Variants in CNTN3 observed in about 807,000 individuals in gnomAD.
The protein encoded by CNTN3 is contactin-3.
Under a neutral mutation model 119.1 loss-of-function variants are expected in CNTN3, and 60 were observed. The ratio of observed to expected loss-of-function variants is 0.50; its 90% CI spans 0.41 to 0.62. The LOEUF (loss-of-function observed/expected upper bound fraction) is 0.62. Ranked by LOEUF, CNTN3 falls within the 20% of genes least tolerant of loss-of-function variation. The pLI is 0.00. For synonymous variants in CNTN3, 450 were observed against 438.7 expected (o/e 1.03, Z -0.32); for missense variants, 1,101 against 1,242.4 (o/e 0.89, Z 1.71).
intron 17 of CNTN3, 140 bp from the exon 18 acceptor site, chr3:74,298,331 G>A: frequency 2.1e-6 from 1 of 484,826 alleles, no homozygotes; most frequent in Non-Finnish European, 3.6e-6. Context: ...ATGAAAAAAG[G>A]AGAAAAACAT....
chr3:74,344,729 G>A (rs1703649246), intron 11 of CNTN3, among the ~76,000 whole-genome samples: 1 of 152,134 alleles, frequency 6.6e-6, no homozygotes, highest in Non-Finnish European at 1.5e-5. Context: ...AAAGTGCTGG[G>A]ATTACAGGCG....
chr3:74,587,237 T>C (rs770677620), intron 1 of CNTN3, among the ~76,000 whole-genome samples: 4 of 152,014 alleles, frequency 2.6e-5, no homozygotes, highest in African/African-American at 7.2e-5. Flanking sequence ...GAGTTCAACA[T>C]CAGGGCTTAT....
chr3:74,274,414 A>C (rs2106758188), intron 20 of CNTN3, among the ~76,000 whole-genome samples: 1 of 152,106 alleles, frequency 6.6e-6, no homozygotes, highest in South Asian at 2.1e-4. Flanking sequence ...CAGCCCCGCC[A>C]CCTCCACTGG....
At chr3:74,313,452 A>G (rs929744458) in intron 13 of CNTN3, among the ~76,000 whole-genome samples, 1 of 152,226 alleles carries the variant, frequency 6.6e-6, no homozygotes, top group Admixed American at 6.5e-5. Flanking sequence ...TTAAAAAAAA[A>G]ATTTTGTAAA....
chr3:74,372,342 A>C (rs1049215239), intron 5 of CNTN3, among the ~76,000 whole-genome samples: 1 of 152,056 alleles, frequency 6.6e-6, no homozygotes, highest in African/African-American at 2.4e-5. Context: ...AGTTTTCTTG[A>C]ACTTTATGGC....
At chr3:74,431,350 A>C (rs1701780319) in intron 4 of CNTN3, among the ~76,000 whole-genome samples, 1 of 152,136 alleles carries the variant, frequency 6.6e-6, no homozygotes, top group East Asian at 1.9e-4. Context: ...CTAGGTAGTG[A>C]ACTATCAAGC....
At chr3:74,597,890 T>C (rs1337641255) in intron 1 of CNTN3, among the ~76,000 whole-genome samples, 1 of 152,088 alleles carries the variant, frequency 6.6e-6, no homozygotes, top group Admixed American at 6.6e-5. Context: ...CAAGTCATGT[T>C]CACTTTCAGT....
intron 11 of CNTN3, among the ~76,000 whole-genome samples, chr3:74,345,423 G>C (rs1416218652): frequency 4.6e-5 from 7 of 152,242 alleles, no homozygotes; most frequent in Non-Finnish European, 8.8e-5. Flanking sequence ...TTTTGATTCT[G>C]AGCATAACCT....
chr3:74,602,295 C>CAAAA (rs1167052275), intron 1 of CNTN3, among the ~76,000 whole-genome samples: 1 of 19,676 alleles, frequency 5.1e-5, no homozygotes, highest in East Asian at 1.4e-3. Flanking sequence ...GACCTGGTCT[C>CAAAA]AAAAAAAAAA....
intron 1 of CNTN3, among the ~76,000 whole-genome samples, chr3:74,566,859 T>G (rs373495085): frequency 2.0e-5 from 3 of 152,304 alleles, no homozygotes; most frequent in East Asian, 3.9e-4. Context: ...CATACAGGAA[T>G]GCAGACAAGT....
chr3:74,502,779 C>T (rs1575788774), intron 2 of CNTN3, among the ~76,000 whole-genome samples: 1 of 152,254 alleles, frequency 6.6e-6, no homozygotes, highest in East Asian at 1.9e-4. Context: ...TCTCCCTCAT[C>T]CAAAGTCATT....
chr3:74,494,137 T>C lies in CNTN3; in HGVS notation c.182+5522A>G, dbSNP rs189900217. 1.3e-3 allele frequency among the ~76,000 whole-genome samples: 198 copies of C among 152,208 alleles called. 1 individual carries two copies. Among genetic ancestry groups the C allele is most frequent in the African/African-American group, 4.2e-3 (175 of 41,550 alleles). On this transcript the variant is annotated intron_variant, in intron 3 of 22. Coordinates refer to ENST00000263665, the MANE Select transcript of CNTN3 (RefSeq NM_020872.3). The stretch of plus-strand genomic sequence containing the variant: ...CCTGGTAGCAGCTCCTCTATTCTCC[T>C]TTAAAGCAGCCCTCCTCATACGAAC...
intron 11 of CNTN3, among the ~76,000 whole-genome samples, chr3:74,360,131 T>C (rs938267631): frequency 3.9e-5 from 6 of 152,230 alleles, no homozygotes; most frequent in Non-Finnish European, 1.5e-5. Context: ...GATTGTGCTG[T>C]TGTAACCAAC....
rs544235781 is a variant in CNTN3, at chr3:74,297,858, A to C, written c.2401+99T>G. The C allele has an allele frequency of 3.1e-5, 26 of 846,734 alleles. No individual in the cohort carries two copies. In the East Asian group the frequency reaches 6.6e-4, roughly 22 times the overall value. The allele number at this position is 846,734 out of a possible 1,614,324, so 52.5% of individuals were successfully genotyped here. A position where few individuals can be genotyped will look rare whatever the true frequency, so the allele number is the denominator to read the frequency against. On this transcript the variant is annotated intron_variant, in intron 18 of 22. Transcript: ENST00000263665. ...TACTACCTGGATGATTGTTCTTTGG[A>C]ATAAATATATTTGAAGTCAAAACGA...
At chr3:74,297,851 T>C (rs1702372696) in intron 18 of CNTN3, 106 bp downstream of exon 18, 2 of 795,322 alleles carry the variant, frequency 2.5e-6, no homozygotes, top group African/African-American at 3.5e-5. Context: ...GGATGATTGT[T>C]CTTTGGAATA....
chr3:74,468,025 A>G (rs1037385826), intron 4 of CNTN3, among the ~76,000 whole-genome samples: 3 of 152,218 alleles, frequency 2.0e-5, no homozygotes, highest in Non-Finnish European at 2.9e-5. Flanking sequence ...ATGCCAGTTA[A>G]TCAAAGGGCC....
At chr3:74,547,906 C>A (rs2107155887) in intron 1 of CNTN3, among the ~76,000 whole-genome samples, 1 of 152,248 alleles carries the variant, frequency 6.6e-6, no homozygotes, top group South Asian at 2.1e-4. Flanking sequence ...TCCTAAACAT[C>A]CTTCTAAGAG....
At chr3:74,464,044 T>C (rs766681321) in intron 4 of CNTN3, among the ~76,000 whole-genome samples, 5 of 152,164 alleles carry the variant, frequency 3.3e-5, no homozygotes, top group Non-Finnish European at 5.9e-5. Flanking sequence ...CTCTCCATAG[T>C]ACTTTTTCAA....
At chr3:74,320,536 G>T (rs183766633) in intron 13 of CNTN3, among the ~76,000 whole-genome samples, 3 of 152,242 alleles carry the variant, frequency 2.0e-5, no homozygotes, top group Admixed American at 1.3e-4. Context: ...GGGGACGTGG[G>T]AGGGATAGCA....
Sources: gnomAD v4.1 joint callset for allele counts (sites outside exome capture counted in the v4.1 genomes callset) on GRCh38, gnomAD v4.1.1 for gene constraint, MANE v1.5 for transcripts, NCBI Gene and HGNC (gene_info 2026-07-23, HGNC 2026-07-21) for gene names.